The following ZIC5 variants were observed in gnomAD, a reference collection of about 807,000 sequenced individuals.
ZIC5 encodes Zic family zinc finger 5.
A neutral mutation model predicts 28.5 loss-of-function variants in ZIC5; 20 were observed. The observed-to-expected ratio is 0.70, with a 90% CI of 0.49 to 1.02. The LOEUF is 1.02. ZIC5 is among the 50% of genes least tolerant of loss of function. ZIC5 has a pLI of 0.00. For missense variants in ZIC5, 951 were observed against 899.7 expected, an observed-to-expected ratio of 1.06 and a Z score of -0.73; for synonymous variants, 488 against 410.4, an observed-to-expected ratio of 1.19 and a Z score of -2.29.
At position 99,964,389 on chromosome 13, in the gene ZIC5, T is replaced by A. The variant is rs1050184341; in HGVS notation, c.*988A>T. 3.3e-5 allele frequency: 5 copies of A among 152,160 alleles called. No homozygotes were observed. The highest frequency in any genetic ancestry group is 1.2e-4 in the African/African-American group (5 of 41,444). The allele number at this position is 152,160 out of a possible 1,614,324, so 9.4% of individuals were successfully genotyped here. ...ATCACACCTCCTCAAGACTTGACTG[T>A]GAATGTTGGCATCCCAAAGAACTTA... On this transcript the variant is annotated 3_prime_UTR_variant, in exon 2 of 2. Transcript: ENST00000267294.
rs1212590426 is a variant in ZIC5, at chr13:99,971,396, C to T, written c.208G>A (p.Glu70Lys). Residue 70 changes from glutamate (E) to lysine (K), a missense_variant, in exon 1 of 2, where the codon GAG (glutamate) becomes AAG (lysine). By Grantham distance (56) the Glu-to-Lys change is moderately conservative. Around this residue, in one of 3 missense-constraint regions of ZIC5, gnomAD observed 784 missense variants for 660.1 expected, o/e 1.19. Coordinates refer to ENST00000267294, the MANE Select transcript of ZIC5 (RefSeq NM_033132.5). The part of the protein sequence containing the change: ...PGVATTPLGP[E>K]HMAQASTLGL... The stretch of plus-strand genomic sequence containing the variant: ...AGCGTGCTCGCCTGGGCCATGTGCT[C>T]GGGTCCGAGCGGAGTGGTGGCCACG... 4.0e-6 allele frequency: 6 copies of T among 1,510,126 alleles called. No homozygotes were observed. The highest frequency in any genetic ancestry group is 5.3e-6 in the Non-Finnish European group (6 of 1,135,966). 93.5% of individuals were successfully genotyped at this position (1,510,126 alleles called of 1,614,324 possible).
intron 1 of ZIC5, among the ~76,000 whole-genome samples, 186 bp downstream of exon 1, chr13:99,969,941 A>G (rs1156448066): frequency 2.0e-5 from 3 of 149,182 alleles, no homozygotes; most frequent in Non-Finnish European, 4.5e-5. Flanking sequence ...TTATTCATAG[A>G]AAAAAAAAAG....
intron 1 of ZIC5, among the ~76,000 whole-genome samples, chr13:99,968,645 G>C (rs928098034): frequency 2.6e-5 from 4 of 152,198 alleles, no homozygotes; most frequent in African/African-American, 9.6e-5. Context: ...TCCCTTTCGG[G>C]GCCGGGCTGG....
chr13:99,965,790 C>A lies in ZIC5; in HGVS notation c.1507G>T (p.Gly503Cys). The A allele has an allele frequency of 6.2e-7, 1 of 1,613,476 alleles. No individual in the cohort carries two copies. Among genetic ancestry groups the A allele is most frequent in the Non-Finnish European group, 8.5e-7 (1 of 1,179,492 alleles). Residue 503 changes from glycine to cysteine, a missense_variant, in exon 2 of 2, where the codon GGC (glycine) becomes TGC (cysteine). Gly to Cys is a radical substitution (Grantham distance 159, BLOSUM62 -3). This residue lies in a region of ZIC5 where 59 missense variants were observed against 121.2 expected (regional missense o/e 0.49). Coordinates refer to ENST00000267294, the MANE Select transcript of ZIC5 (RefSeq NM_033132.5). ...CTATTGGCAAACTTCCTGTCACAGCCATCAAATTCACATTTGAAAGGCTTT... is the reference window on the plus strand; with the variant it reads ...CTATTGGCAAACTTCCTGTCACAGCAATCAAATTCACATTTGAAAGGCTTT... ...GEKPFKCEFD[G>C]CDRKFANSSD...
rs1384648899 is a variant in ZIC5 at position 99,971,538 on chromosome 13, C to G, written c.66G>C (p.Gln22His). 1.3e-6 allele frequency: 2 copies of G among 1,552,212 alleles called. No homozygotes were observed. The highest frequency in any genetic ancestry group is 3.9e-5 in the Admixed American group (2 of 51,116). ...CTGTCATATTCTGAAGCGGCTGGAC[C>G]TGAGCCGTTGCCAAATCCGCTAATC... Reference protein sequence around the residue: ...ALRLADLATAQVQPLQNMTGF... With the variant: ...ALRLADLATAHVQPLQNMTGF... The change falls in exon 1 of 2, where the codon CAG becomes CAC. Residue 22 changes from glutamine to histidine, a missense_variant. Physicochemically the swap from Gln to His is conservative, Grantham distance 24. Coordinates refer to ENST00000267294, the MANE Select transcript of ZIC5 (RefSeq NM_033132.5).
At chr13:99,969,950 AG>A (rs908642886) in intron 1 of ZIC5, among the ~76,000 whole-genome samples, 176 bp downstream of exon 1, 3 of 151,452 alleles carry the variant, frequency 2.0e-5, no homozygotes, top group Non-Finnish European at 4.4e-5. Context: ...GAAAAAAAAA[AG>A]GGGGGGAGAG....
Position 99,965,210 on chromosome 13 carries a change from A to G in ZIC5, c.*167T>C. On this transcript the variant is annotated 3_prime_UTR_variant, in exon 2 of 2. Coordinates refer to ENST00000267294, the MANE Select transcript of ZIC5 (RefSeq NM_033132.5). Reference sequence around the variant, plus strand: ...AAGCCCAAATATCTTAATTAAATTAATTAAATGTACAAACACCATAGGGTT... The same window carrying G: ...AAGCCCAAATATCTTAATTAAATTAGTTAAATGTACAAACACCATAGGGTT... 1 of 468,738 alleles carries G rather than the reference A, an allele frequency of 2.1e-6. No homozygotes were observed. Among genetic ancestry groups the G allele is most frequent in the South Asian group, 8.6e-5 (1 of 11,584 alleles). 29.0% of individuals were successfully genotyped at this position (468,738 alleles called of 1,614,324 possible). A position where few individuals can be genotyped will look rare whatever the true frequency, so the allele number is the denominator to read the frequency against.
Position 99,971,272 on chromosome 13 carries a change from C to G in ZIC5, c.332G>C (p.Ser111Thr), listed in dbSNP as rs993116289. 5 of 1,341,056 alleles carry G rather than the reference C, an allele frequency of 3.7e-6. No homozygotes were observed. Among genetic ancestry groups the G allele is most frequent in the Non-Finnish European group, 4.7e-6 (5 of 1,055,350 alleles). The allele number at this position is 1,341,056 out of a possible 1,614,324, so 83.1% of individuals were successfully genotyped here. A position where few individuals can be genotyped will look rare whatever the true frequency, so the allele number is the denominator to read the frequency against. Reference protein sequence around the residue: ...AALVAHPGAGSYPCGGGSSGA... With the variant: ...AALVAHPGAGTYPCGGGSSGA... ...ACTGCTGCCCCCGCCGCAGGGGTAG[C>G]TGCCCGCGCCGGGGTGCGCGACCAA... is the stretch of plus-strand genomic sequence containing the variant. The change falls in exon 1 of 2, where the codon AGC becomes ACC. Residue 111 changes from serine to threonine, a missense_variant. This residue lies in a region of ZIC5 where 784 missense variants were observed against 660.1 expected (regional missense o/e 1.19). Coordinates refer to ENST00000267294, the MANE Select transcript of ZIC5 (RefSeq NM_033132.5).
At chr13:99,967,940 T>C (rs1001017851) in intron 1 of ZIC5, among the ~76,000 whole-genome samples, 1 of 152,222 alleles carries the variant, frequency 6.6e-6, no homozygotes, top group Non-Finnish European at 1.5e-5. Flanking sequence ...TTTAACTATT[T>C]ACAGAGTTTG....
At position 99,971,012 on chromosome 13, in the gene ZIC5, G is replaced by T; in HGVS notation, c.592C>A (p.Arg198=). ...MHGAPLGGEQ[R]SGTGSPQHPA... The stretch of plus-strand genomic sequence containing the variant: ...TGCTGGGGGGAGCCGGTGCCGGACC[G>T]CTGCTCCCCTCCGAGCGGGGCCCCG... The change falls in exon 1 of 2, where the codon CGG becomes AGG. Residue 198 remains arginine (R), a synonymous_variant. Coordinates refer to ENST00000267294, the MANE Select transcript of ZIC5 (RefSeq NM_033132.5). 3 of 1,413,564 alleles carry T rather than the reference G, an allele frequency of 2.1e-6. No individual in the cohort carries two copies. The highest frequency in any genetic ancestry group is 2.7e-6 in the Non-Finnish European group (3 of 1,096,856). The allele number at this position is 1,413,564 out of a possible 1,614,324, so 87.6% of individuals were successfully genotyped here. A position where few individuals can be genotyped will look rare whatever the true frequency, so the allele number is the denominator to read the frequency against.
chr13:99,971,130 G>A lies in ZIC5; in HGVS notation c.474C>T (p.Asn158=), dbSNP rs1594285268. The change falls in exon 1 of 2, where the codon AAC becomes AAT. Residue 158 remains asparagine (N), a synonymous_variant. Coordinates refer to ENST00000267294, the MANE Select transcript of ZIC5 (RefSeq NM_033132.5). The part of the protein sequence containing the change: ...PPALSGYTTT[N]SGGGGSSGKG... ...TGCCGCTGCTGCCGCCGCCGCCACT[G>A]TTGGTGGTGGTGTAGCCCGAGAGGG... 4.3e-5 allele frequency: 62 copies of A among 1,432,766 alleles called. No individual in the cohort carries two copies. Among genetic ancestry groups the A allele is most frequent in the Non-Finnish European group, 5.5e-5 (61 of 1,101,952 alleles). The allele number at this position is 1,432,766 out of a possible 1,614,324, so 88.8% of individuals were successfully genotyped here.
chr13:99,966,755 C>G (rs904126153), intron 1 of ZIC5, among the ~76,000 whole-genome samples: 19 of 140,734 alleles, frequency 1.4e-4, no homozygotes, highest in African/African-American at 4.9e-4. Context: ...CTAACCACCC[C>G]ACAAACACGC....
Position 99,971,487 on chromosome 13 carries a change from G to C in ZIC5, c.117C>G (p.Pro39=). The part of the protein sequence containing the change: ...MTGFPALAGP[P]AHSQLRAAVA... The stretch of plus-strand genomic sequence containing the variant: ...CGGCGGCCCGGAGTTGGGAGTGGGC[G>C]GGCGGGCCGGCCAGCGCCGGGAAGC... Residue 39 remains proline (P), a synonymous_variant, in exon 1 of 2, where the codon CCC becomes CCG. Transcript: ENST00000267294. 1 of 1,550,458 alleles carries C rather than the reference G, an allele frequency of 6.4e-7. No homozygotes were observed. The highest frequency in any genetic ancestry group is 8.7e-7 in the Non-Finnish European group (1 of 1,146,892).
At position 99,971,564 on chromosome 13, in the gene ZIC5, T is replaced by G; in HGVS notation, c.40A>C (p.Arg14=). ...TGAGCCGTTGCCAAATCCGCTAATC[T>G]CAGCGCTGGCGGGTTCCTCTTGCTC... is the stretch of plus-strand genomic sequence containing the variant. ...PLSKRNPPAL[R]LADLATAQVQ... The change falls in exon 1 of 2, where the codon AGA becomes CGA. Residue 14 remains arginine, a synonymous_variant. Coordinates refer to ENST00000267294, the MANE Select transcript of ZIC5 (RefSeq NM_033132.5). 4 of 1,553,278 alleles carry G rather than the reference T, an allele frequency of 2.6e-6. No homozygotes were observed. Among genetic ancestry groups the G allele is most frequent in the Non-Finnish European group, 3.5e-6 (4 of 1,147,670 alleles).
Position 99,970,707 on chromosome 13 carries a change from GGCGGCCGCCGCT to G in ZIC5, c.885_896del (p.Ala296_Ala299del), listed in dbSNP as rs2053147865. On this transcript the variant is annotated inframe_deletion, in exon 1 of 2. Transcript: ENST00000267294. The stretch of plus-strand genomic sequence containing the variant: ...AGTTCACGGCTCCGTAGCCGTGCAG[GGCGGCCGCCGCT>G]GCGGCCGCAACCGCCCCGTAGTGCG... 5.1e-6 allele frequency: 6 copies of G among 1,185,648 alleles called. 1 individual carries two copies. The highest frequency in any genetic ancestry group is 5.0e-5 in the African/African-American group (3 of 60,206). 73.4% of individuals were successfully genotyped at this position (1,185,648 alleles called of 1,614,324 possible). A position where few individuals can be genotyped will look rare whatever the true frequency, so the allele number is the denominator to read the frequency against.
chr13:99,971,344 A>G lies in ZIC5; in HGVS notation c.260T>C (p.Phe87Ser). Residue 87 changes from phenylalanine (F) to serine (S), a missense_variant, in exon 1 of 2, where the codon TTC becomes TCC. This residue lies in a region of ZIC5 where 784 missense variants were observed against 660.1 expected (regional missense o/e 1.19). Coordinates refer to ENST00000267294, the MANE Select transcript of ZIC5 (RefSeq NM_033132.5). Reference protein sequence around the residue: ...TLGLSPPSQAFPAHPEAPAAA... With the variant: ...TLGLSPPSQASPAHPEAPAAA... Reference sequence around the variant, plus strand: ...TGCCGGAGCCTCCGGGTGTGCCGGGAACGCCTGGGAGGGAGGGCTGAGGCC... The same window carrying G: ...TGCCGGAGCCTCCGGGTGTGCCGGGGACGCCTGGGAGGGAGGGCTGAGGCC... 7.1e-7 allele frequency: 1 copy of G among 1,410,242 alleles called. No individual in the cohort carries two copies. Among genetic ancestry groups the G allele is most frequent in the Non-Finnish European group, 9.1e-7 (1 of 1,094,170 alleles). 87.4% of individuals were successfully genotyped at this position (1,410,242 alleles called of 1,614,324 possible).
In ZIC5 at chr13:99,970,515, G is replaced by A. The variant is rs2053143278; in HGVS notation, c.1089C>T (p.Tyr363=). ...GCTCCTGCTTGATTGGCTGCCGCAT[G>A]TAGCGCAGGAAGGCCCCAGCCGCCC... is the stretch of plus-strand genomic sequence containing the variant. ...LPGAAGAFLR[Y]MRQPIKQELI... is the part of the protein sequence containing the mutation. Residue 363 remains tyrosine, a synonymous_variant, in exon 1 of 2, where the codon TAC becomes TAT. Coordinates refer to ENST00000267294, the MANE Select transcript of ZIC5 (RefSeq NM_033132.5). 8.9e-7 allele frequency: 1 copy of A among 1,129,328 alleles called. No homozygotes were observed. Among genetic ancestry groups the A allele is most frequent in the Non-Finnish European group, 1.1e-6 (1 of 913,844 alleles). 70.0% of individuals were successfully genotyped at this position (1,129,328 alleles called of 1,614,324 possible).
In ZIC5 at chr13:99,965,515, G is replaced by T; in HGVS notation, c.1782C>A (p.Thr594=). Residue 594 remains threonine (T), a synonymous_variant, in exon 2 of 2, where the codon ACC becomes ACA. Coordinates refer to ENST00000267294, the MANE Select transcript of ZIC5 (RefSeq NM_033132.5). ...GGCAAACGTACCACTCATTGAGGTT[G>T]GTCACCTGAGGGGACAGAGTGCTGG... The part of the protein sequence containing the change: ...SHSSTLSPQV[T]NLNEWYVCQA... The T allele has an allele frequency of 6.2e-7, 1 of 1,613,770 alleles. No individual in the cohort carries two copies. Among genetic ancestry groups the T allele is most frequent in the Non-Finnish European group, 8.5e-7 (1 of 1,179,868 alleles).
chr13:99,971,531 G>T lies in ZIC5; in HGVS notation c.73C>A (p.Pro25Thr), dbSNP rs1326940849. The T allele has an allele frequency of 7.1e-6, 11 of 1,551,954 alleles. 1 individual carries two copies. The South Asian group carries it at 1.2e-4, about 17-fold the overall frequency. Residue 25 changes from proline to threonine, a missense_variant, in exon 1 of 2, where the codon CCG becomes ACG. Transcript: ENST00000267294. ...GGGAAGCCTGTCATATTCTGAAGCG[G>T]CTGGACCTGAGCCGTTGCCAAATCC... is the stretch of plus-strand genomic sequence containing the variant. ...LADLATAQVQPLQNMTGFPAL... is the reference protein window; with the variant it reads ...LADLATAQVQTLQNMTGFPAL...
Sources: allele counts gnomAD v4.1 joint callset (sites outside exome capture counted in the v4.1 genomes callset), GRCh38; gene constraint gnomAD v4.1.1; regional missense constraint gnomAD v4.1.1; transcripts MANE v1.5; gene names NCBI Gene and HGNC (gene_info 2026-07-23, HGNC 2026-07-21).